The following PPM1L variants were observed in gnomAD, a reference collection of about 807,000 sequenced individuals.
PPM1L encodes the protein protein phosphatase, Mg2+/Mn2+ dependent 1L, also known as protein phosphatase 1L.
A neutral mutation model predicts 31.4 loss-of-function variants in PPM1L; 13 were observed. That is an observed-to-expected ratio of 0.41 (90% confidence interval 0.27 to 0.66). The LOEUF is 0.66. Among genes scored for constraint, PPM1L ranks in the 30% least tolerant of loss-of-function variants. The probability of loss-of-function intolerance (pLI) is 0.29; values close to 1 mark genes in which losing one functional copy is unlikely to be tolerated. For synonymous variants in PPM1L, 184 were observed against 175.4 expected (o/e 1.05, Z -0.39); for missense variants, 326 against 453.7 (o/e 0.72, Z 2.56).
At chr3:161,003,528 G>A (rs9758857) in intron 2 of PPM1L, among the ~76,000 whole-genome samples, 45,691 of 149,838 alleles carry the variant, frequency 0.3, 7,373 homozygotes, top group East Asian at 0.62. Flanking sequence ...GCAGTGGTTT[G>A]TAGTTCTCCT....
rs1330057005 is a variant in PPM1L, at chr3:161,075,356, T to C, written c.*6199T>C. On this transcript the variant is annotated 3_prime_UTR_variant, in exon 4 of 4. Coordinates refer to ENST00000498165, the MANE Select transcript of PPM1L (RefSeq NM_139245.4). ...AATGTGGATTATCAGATTTTTACTA[T>C]ATATAGGTTGTGTTTAATAGTAATT... The C allele has an allele frequency of 1.3e-5, 2 of 152,192 alleles. No homozygotes were observed. Among genetic ancestry groups the C allele is most frequent in the African/African-American group, 4.8e-5 (2 of 41,448 alleles). The allele number at this position is 152,192 out of a possible 1,614,324, so 9.4% of individuals were successfully genotyped here. A position where few individuals can be genotyped will look rare whatever the true frequency, so the allele number is the denominator to read the frequency against.
At chr3:160,770,272 GAACT>G (rs979315129) in intron 1 of PPM1L, among the ~76,000 whole-genome samples, 16 of 151,920 alleles carry the variant, frequency 1.1e-4, no homozygotes, top group Non-Finnish European at 1.9e-4. Flanking sequence ...TCATTAACTA[GAACT>G]AACAGAACAA....
At chr3:161,054,770 A>T (rs973046958) in intron 2 of PPM1L, among the ~76,000 whole-genome samples, 1 of 152,190 alleles carries the variant, frequency 6.6e-6, no homozygotes, top group Non-Finnish European at 1.5e-5. Flanking sequence ...GAAATTATGT[A>T]TGCCAAGGAC....
chr3:161,052,271 C>G (rs1224262627), intron 2 of PPM1L, among the ~76,000 whole-genome samples: 1 of 152,172 alleles, frequency 6.6e-6, no homozygotes. Flanking sequence ...TGGAGATCCT[C>G]ACATCAAAGA....
chr3:160,930,592 A>C (rs751074994), intron 1 of PPM1L, among the ~76,000 whole-genome samples: 59 of 152,214 alleles, frequency 3.9e-4, no homozygotes, highest in Non-Finnish European at 6.3e-4. Context: ...GATATGGTGC[A>C]AGGAAGGCAG....
At chr3:160,836,968 A>G (rs1713736836) in intron 1 of PPM1L, among the ~76,000 whole-genome samples, 1 of 152,166 alleles carries the variant, frequency 6.6e-6, no homozygotes. Context: ...TTAAAAATCA[A>G]TTATCTTGCC....
chr3:160,859,482 A>C (rs1711822826), intron 1 of PPM1L, among the ~76,000 whole-genome samples: 1 of 152,182 alleles, frequency 6.6e-6, no homozygotes, highest in Admixed American at 6.5e-5. Context: ...CTATCTGGGA[A>C]ATATCAGTGT....
At position 160,894,354 on chromosome 3, in the gene PPM1L, ACTG is replaced by A. The variant is rs199558060; in HGVS notation, c.400-67381_400-67379del. ...AGTGCACTGTCAAACACCATATGTA[ACTG>A]TTGGCTATATTGATTTTGTGGCACT... On this transcript the variant is annotated intron_variant, in intron 1 of 3. Transcript: ENST00000498165. Among the ~76,000 whole-genome samples, 1,338 of 152,292 alleles carry A rather than the reference ACTG, an allele frequency of 8.8e-3. 20 individuals carry two copies. Among genetic ancestry groups the A allele is most frequent in the African/African-American group, 0.031 (1,281 of 41,562 alleles).
At chr3:160,943,934 A>G (rs1715241258) in intron 1 of PPM1L, among the ~76,000 whole-genome samples, 1 of 152,202 alleles carries the variant, frequency 6.6e-6, no homozygotes, top group South Asian at 2.1e-4. Context: ...AATATAAGGA[A>G]ATTAATAATT....
chr3:161,037,962 G>A (rs896530841), intron 2 of PPM1L, among the ~76,000 whole-genome samples: 6 of 151,878 alleles, frequency 4.0e-5, no homozygotes, highest in African/African-American at 7.2e-5. Context: ...GGCCGGGCGC[G>A]GTGGCTCACG....
At chr3:161,037,536 T>G (rs1367322006) in intron 2 of PPM1L, among the ~76,000 whole-genome samples, 1 of 150,604 alleles carries the variant, frequency 6.6e-6, no homozygotes, top group Admixed American at 6.7e-5. Context: ...TGCCTCAGCC[T>G]TCCGAGTAGC....
chr3:160,835,738 T>A (rs1316952421), intron 1 of PPM1L, among the ~76,000 whole-genome samples: 1 of 152,196 alleles, frequency 6.6e-6, no homozygotes, highest in Non-Finnish European at 1.5e-5. Flanking sequence ...CGATTCTGCA[T>A]CATAGAAACT....
intron 2 of PPM1L, among the ~76,000 whole-genome samples, chr3:161,032,849 C>T (rs1373218084): frequency 1.3e-5 from 2 of 150,002 alleles, no homozygotes; most frequent in Non-Finnish European, 3.0e-5. Context: ...TGCATCACCA[C>T]GCCTAGCTAA....
chr3:160,867,327 C>CTTTTTT (rs529507709), intron 1 of PPM1L, among the ~76,000 whole-genome samples: 2 of 123,950 alleles, frequency 1.6e-5, no homozygotes, highest in Non-Finnish European at 3.3e-5. Flanking sequence ...GTTCCATGTT[C>CTTTTTT]TTTTTTTTTT....
chr3:161,006,764 G>A (rs1717723071), intron 2 of PPM1L, among the ~76,000 whole-genome samples: 1 of 145,194 alleles, frequency 6.9e-6, no homozygotes, highest in Admixed American at 7.2e-5. Flanking sequence ...CTTACTGCAA[G>A]CACCACCTCC....
At chr3:160,932,639 A>T (rs932773022) in intron 1 of PPM1L, among the ~76,000 whole-genome samples, 1 of 152,174 alleles carries the variant, frequency 6.6e-6, no homozygotes, top group Non-Finnish European at 1.5e-5. Flanking sequence ...GGCTGATCTT[A>T]GTCTATCAAA....
At chr3:160,811,237 T>C (rs936701801) in intron 1 of PPM1L, among the ~76,000 whole-genome samples, 1 of 152,258 alleles carries the variant, frequency 6.6e-6, no homozygotes, top group African/African-American at 2.4e-5. Flanking sequence ...GTGACTAGAC[T>C]GAATACTGAT....
chr3:161,043,505 C>T (rs1324603708), intron 2 of PPM1L, among the ~76,000 whole-genome samples: 1 of 152,104 alleles, frequency 6.6e-6, no homozygotes, highest in Non-Finnish European at 1.5e-5. Context: ...CTTTAAGTTT[C>T]GTTTAGCAGA....
intron 2 of PPM1L, among the ~76,000 whole-genome samples, chr3:161,042,459 A>C (rs1718940100): frequency 6.6e-6 from 1 of 152,156 alleles, no homozygotes; most frequent in Non-Finnish European, 1.5e-5. Flanking sequence ...GGACAATGCC[A>C]CCCTGGGGCT....
Sources: allele counts gnomAD v4.1 joint callset (sites outside exome capture counted in the v4.1 genomes callset), GRCh38; gene constraint gnomAD v4.1.1; transcripts MANE v1.5; gene names NCBI Gene and HGNC (gene_info 2026-07-23, HGNC 2026-07-21).